The following ZMAT4 variants were observed in gnomAD, a reference collection of about 807,000 sequenced individuals.
The protein encoded by ZMAT4 is zinc finger matrin-type protein 4.
In ZMAT4, 17 loss-of-function variants were observed where a neutral mutation model predicts 28.7. That is an observed-to-expected ratio of 0.59 (90% confidence interval 0.41 to 0.89). The LOEUF is 0.89. ZMAT4 is among the 40% of genes least tolerant of loss of function. The probability of loss-of-function intolerance (pLI) is 0.00; values close to 1 mark genes in which losing one functional copy is unlikely to be tolerated. For synonymous variants in ZMAT4, 117 were observed against 109.2 expected (o/e 1.07, Z -0.44); for missense variants, 240 against 283.8 (o/e 0.85, Z 1.11).
chr8:40,865,105 GC>G (rs1817630219), intron 1 of ZMAT4, among the ~76,000 whole-genome samples: 1 of 152,114 alleles, frequency 6.6e-6, no homozygotes, highest in African/African-American at 2.4e-5. Flanking sequence ...TTAAACGTAC[GC>G]TTTTTGCACG....
chr8:40,583,846 C>A (rs548569555), intron 5 of ZMAT4, among the ~76,000 whole-genome samples: 1 of 152,106 alleles, frequency 6.6e-6, no homozygotes. Context: ...AGTCCTTGAT[C>A]GGCCTCCCAC....
intron 3 of ZMAT4, among the ~76,000 whole-genome samples, chr8:40,750,444 A>C (rs1333719904): frequency 2.0e-5 from 3 of 152,174 alleles, no homozygotes; most frequent in African/African-American, 7.2e-5. Context: ...ATGTAGGACA[A>C]AGGAAGGCAA....
intron 2 of ZMAT4, among the ~76,000 whole-genome samples, chr8:40,779,236 A>G (rs533958489): frequency 1.6e-4 from 25 of 152,252 alleles, no homozygotes; most frequent in Non-Finnish European, 2.4e-4. Context: ...ACCATGTAAG[A>G]CATGCTTTTT....
chr8:40,885,488 C>T (rs1350165196), intron 1 of ZMAT4, among the ~76,000 whole-genome samples: 1 of 152,190 alleles, frequency 6.6e-6, no homozygotes, highest in Non-Finnish European at 1.5e-5. Context: ...AACATAGCAA[C>T]CAGAGTAACC....
intron 6 of ZMAT4, among the ~76,000 whole-genome samples, chr8:40,533,404 A>G (rs1189169182): frequency 6.6e-6 from 1 of 152,240 alleles, no homozygotes; most frequent in African/African-American, 2.4e-5. Flanking sequence ...AGCATCTTCT[A>G]GTGGTGGCTG....
At chr8:40,572,795 G>A (rs922202444) in intron 6 of ZMAT4, among the ~76,000 whole-genome samples, 1 of 152,102 alleles carries the variant, frequency 6.6e-6, no homozygotes, top group Non-Finnish European at 1.5e-5. Context: ...AGAGAAATTT[G>A]ACTGCCATTA....
intron 3 of ZMAT4, among the ~76,000 whole-genome samples, chr8:40,732,880 C>T (rs533081147): frequency 8.5e-6 from 1 of 118,288 alleles, no homozygotes; most frequent in South Asian, 3.1e-4. Context: ...GGGTTTAGCA[C>T]TGTTGCTCAG....
At chr8:40,607,836 T>C (rs1243493808) in intron 5 of ZMAT4, among the ~76,000 whole-genome samples, 3 of 152,132 alleles carry the variant, frequency 2.0e-5, no homozygotes, top group Admixed American at 1.3e-4. Flanking sequence ...TACTGGGCTC[T>C]GGGCTAGTAC....
At chr8:40,640,579 T>C (rs1388996229) in intron 5 of ZMAT4, among the ~76,000 whole-genome samples, 1 of 152,084 alleles carries the variant, frequency 6.6e-6, no homozygotes, top group African/African-American at 2.4e-5. Flanking sequence ...CTTGCCTTGA[T>C]AGTTCTGGAA....
chr8:40,877,281 C>T (rs972229490), intron 1 of ZMAT4, among the ~76,000 whole-genome samples: 2 of 152,172 alleles, frequency 1.3e-5, no homozygotes, highest in Admixed American at 1.3e-4. Context: ...GAACTGGAGA[C>T]AATAAATTTC....
chr8:40,707,626 T>A (rs1289385259), intron 3 of ZMAT4, among the ~76,000 whole-genome samples: 1 of 141,044 alleles, frequency 7.1e-6, no homozygotes, highest in Admixed American at 7.3e-5. Context: ...TGTGTATACA[T>A]ACATATAAGT....
chr8:40,646,397 A>T (rs1475752676), intron 5 of ZMAT4, among the ~76,000 whole-genome samples: 3 of 151,656 alleles, frequency 2.0e-5, no homozygotes, highest in African/African-American at 7.3e-5. Context: ...TTAACTTTTT[A>T]TTCTACTTAG....
chr8:40,539,991 G>A (rs1173434192), intron 6 of ZMAT4, among the ~76,000 whole-genome samples: 1 of 152,178 alleles, frequency 6.6e-6, no homozygotes, highest in Non-Finnish European at 1.5e-5. Context: ...AGGGAGGAGA[G>A]GCTGGACAAT....
intron 1 of ZMAT4, among the ~76,000 whole-genome samples, chr8:40,891,393 T>C (rs1370356851): frequency 1.3e-5 from 2 of 151,634 alleles, no homozygotes; most frequent in Non-Finnish European, 2.9e-5. Context: ...CCATGGGCCA[T>C]GTGGGCTGCT....
intron 5 of ZMAT4, among the ~76,000 whole-genome samples, chr8:40,632,691 C>A (rs1329295318): frequency 6.6e-6 from 1 of 152,182 alleles, no homozygotes; most frequent in Non-Finnish European, 1.5e-5. Flanking sequence ...GAGCACAGCC[C>A]TGCCAACACC....
intron 5 of ZMAT4, among the ~76,000 whole-genome samples, chr8:40,618,963 C>T (rs371006752): frequency 1.9e-3 from 283 of 152,240 alleles, no homozygotes; most frequent in African/African-American, 6.4e-3. Flanking sequence ...GTTTGCAGTC[C>T]ATGAATAAAG....
intron 5 of ZMAT4, among the ~76,000 whole-genome samples, chr8:40,601,626 GAAA>G (rs1805359860): frequency 7.8e-5 from 2 of 25,730 alleles, no homozygotes; most frequent in African/African-American, 2.0e-4. Flanking sequence ...AAGAAAGAAA[GAAA>G]GAAAGAGAAA....
At chr8:40,785,279 C>A (rs944600776) in intron 2 of ZMAT4, among the ~76,000 whole-genome samples, 5 of 152,216 alleles carry the variant, frequency 3.3e-5, no homozygotes, top group African/African-American at 1.2e-4. Context: ...TTGTCTTGGC[C>A]ACATAGTTTA....
At chr8:40,697,177 C>G in intron 4 of ZMAT4, 68 bp downstream of exon 4, 1 of 1,467,342 alleles carries the variant, frequency 6.8e-7, no homozygotes, top group South Asian at 1.5e-5. Flanking sequence ...GAAGGAGGAG[C>G]ATGATCTGCA....
Sources: gnomAD v4.1 joint callset for allele counts (sites outside exome capture counted in the v4.1 genomes callset) on GRCh38, gnomAD v4.1.1 for gene constraint, MANE v1.5 for transcripts, NCBI Gene and HGNC (gene_info 2026-07-23, HGNC 2026-07-21) for gene names.